The following IVD variants were observed in gnomAD, a reference collection of about 807,000 sequenced individuals.
The protein encoded by IVD is isovaleryl-CoA dehydrogenase, mitochondrial.
A neutral mutation model predicts 51.3 loss-of-function variants in IVD; 31 were observed. The observed-to-expected ratio is 0.60, with a 90% CI of 0.45 to 0.81. IVD has a LOEUF of 0.81. IVD is among the 40% of genes least tolerant of loss of function. IVD has a pLI of 0.00. For missense variants in IVD, 475 were observed against 552.0 expected, an observed-to-expected ratio of 0.86 and a Z score of 1.40; for synonymous variants, 205 against 219.4, an observed-to-expected ratio of 0.93 and a Z score of 0.58.
At chr15:40,406,228 G>C (rs1431393638) in intron 1 of IVD, 5 of 1,503,110 alleles carry the variant, frequency 3.3e-6, no homozygotes, top group Non-Finnish European at 4.4e-6. Flanking sequence ...AGGAGGAGTC[G>C]AGGCTGGGAG....
At chr15:40,435,782 C>A, downstream of IVD, 1 of 896,176 alleles carries the variant, frequency 1.1e-6, no homozygotes, top group Non-Finnish European at 1.3e-6. Flanking sequence ...CTACCTATGG[C>A]AGCCTGCCCG....
At chr15:40,406,255 A>G (rs1890398726) in intron 1 of IVD, 4 of 1,472,514 alleles carry the variant, frequency 2.7e-6, no homozygotes, top group South Asian at 1.2e-5. Context: ...TGAGAGACTG[A>G]TGGTGTTTTG....
At position 40,416,094 on chromosome 15, in the gene IVD, T is replaced by C. The variant is rs1891640609; in HGVS notation, c.977T>C (p.Met326Thr). 1 of 1,614,262 alleles carries C rather than the reference T, an allele frequency of 6.2e-7. No individual in the cohort carries two copies. Among genetic ancestry groups the C allele is most frequent in the African/African-American group, 1.3e-5 (1 of 75,070 alleles). Residue 326 changes from methionine to threonine, a missense_variant, in exon 10 of 12, where the codon ATG (methionine) becomes ACG (threonine). Coordinates refer to ENST00000487418, the MANE Select transcript of IVD (RefSeq NM_002225.5). ...IGHFQLMQGK[M>T]ADMYTRLMAC... Reference sequence around the variant, plus strand: ...TGTGCCCAGTTGATGCAGGGGAAGATGGCTGACATGTACACCCGCCTCATG... The same window carrying C: ...TGTGCCCAGTTGATGCAGGGGAAGACGGCTGACATGTACACCCGCCTCATG...
At chr15:40,416,228 C>T in intron 10 of IVD, 46 bp downstream of exon 10, 1 of 1,612,058 alleles carries the variant, frequency 6.2e-7, no homozygotes, top group Non-Finnish European at 8.5e-7. Context: ...AGTGGACCAG[C>T]TGCTGAGACT....
chr15:40,410,683 G>C lies in IVD; in HGVS notation c.342G>C (p.Glu114Asp). Residue 114 changes from glutamate to aspartate, a missense_variant, in exon 4 of 12, where the codon GAG (glutamate) becomes GAC (aspartate). Glu to Asp is a conservative substitution (Grantham distance 45). Transcript: ENST00000487418. ...TGGAGCATGTGCTGGTGATGGAGGA[G>C]ATATCCCGAGCTTCCGGAGCAGTGG... ...GYLEHVLVME[E>D]ISRASGAVGL... 1 of 1,614,232 alleles carries C rather than the reference G, an allele frequency of 6.2e-7. No homozygotes were observed. The highest frequency in any genetic ancestry group is 8.5e-7 in the Non-Finnish European group (1 of 1,180,044).
chr15:40,430,729 G>A (rs200395481), intron 7 of IVD, among the ~76,000 whole-genome samples: 3 of 40,034 alleles, frequency 7.5e-5, no homozygotes, highest in African/African-American at 6.2e-4. Context: ...AACTGCCAGT[G>A]CACCCCACAG....
chr15:40,427,888 T>A (rs542483274), downstream of IVD, among the ~76,000 whole-genome samples: 3 of 152,170 alleles, frequency 2.0e-5, no homozygotes, highest in South Asian at 6.2e-4. Context: ...AGGTTGCTAA[T>A]TAAGACTGGA....
chr15:40,435,799 G>GC (rs920257110), downstream of IVD: 1 of 767,288 alleles, frequency 1.3e-6, no homozygotes, highest in Non-Finnish European at 1.6e-6. Flanking sequence ...CCCGAAGAGT[G>GC]CCTGCTCCTT....
chr15:40,410,737 CTG>C lies in IVD; in HGVS notation c.397_398del (p.Cys133HisfsTer10), dbSNP rs398123682. ...GLSYGAHSNL[C>X]INQLVRNGNE... ...TCAGTTACGGTGCCCACTCCAACCTCTGCATCAACCAGCTTGTACGCAATGGG... is the reference window on the plus strand; with the variant it reads ...TCAGTTACGGTGCCCACTCCAACCTCCATCAACCAGCTTGTACGCAATGGG... On this transcript the variant is annotated frameshift_variant, in exon 4 of 12. Transcript: ENST00000487418. LOFTEE classifies it high-confidence loss of function. The C allele has an allele frequency of 5.6e-6, 9 of 1,614,102 alleles. No individual in the cohort carries two copies. The highest frequency in any genetic ancestry group is 7.6e-6 in the Non-Finnish European group (9 of 1,180,046).
At chr15:40,407,351 A>G (rs1890555841) in intron 1 of IVD, among the ~76,000 whole-genome samples, 1 of 152,244 alleles carries the variant, frequency 6.6e-6, no homozygotes, top group Non-Finnish European at 1.5e-5. Flanking sequence ...TGCAGGGCCT[A>G]GTAGGCCTGG....
chr15:40,411,733 T>G (rs1891110538), intron 6 of IVD, 42 bp downstream of exon 6: 1 of 1,608,388 alleles, frequency 6.2e-7, no homozygotes, highest in East Asian at 2.2e-5. Context: ...TTCTGCCTCC[T>G]GACAGTGGTA....
chr15:40,415,348 C>T (rs1891543986), intron 8 of IVD, 53 bp from the exon 9 acceptor site: 2 of 1,494,808 alleles, frequency 1.3e-6, no homozygotes, highest in Admixed American at 1.7e-5. Context: ...TTTGCCACCA[C>T]ACCCGGTGGT....
intron 8 of IVD, among the ~76,000 whole-genome samples, chr15:40,434,253 T>C (rs1893144551): frequency 6.6e-6 from 1 of 152,228 alleles, no homozygotes. Context: ...ATTTTGAATC[T>C]CCAAAAATTT....
chr15:40,411,829 C>T, intron 6 of IVD, 138 bp downstream of exon 6: 1 of 1,063,276 alleles, frequency 9.4e-7, no homozygotes. Flanking sequence ...AGGCAGAGAG[C>T]AGACTGCAAG....
rs886051131 is a variant in IVD, at chr15:40,419,072, G to A, written c.*809G>A. The A allele has an allele frequency of 5.7e-6, 6 of 1,045,206 alleles. No individual in the cohort carries two copies. Among genetic ancestry groups the A allele is most frequent in the South Asian group, 2.6e-5 (2 of 75,672 alleles). The allele number at this position is 1,045,206 out of a possible 1,614,324, so 64.7% of individuals were successfully genotyped here. A position where few individuals can be genotyped will look rare whatever the true frequency, so the allele number is the denominator to read the frequency against. On this transcript the variant is annotated 3_prime_UTR_variant, in exon 12 of 12. Coordinates refer to ENST00000487418, the MANE Select transcript of IVD (RefSeq NM_002225.5). ...AATTACTTGAACCCAGGAGGCGGACGTTGCAGTGAGCCGAGCTTGTGCCAT... is the reference window on the plus strand; with the variant it reads ...AATTACTTGAACCCAGGAGGCGGACATTGCAGTGAGCCGAGCTTGTGCCAT...
downstream of IVD, among the ~76,000 whole-genome samples, chr15:40,427,408 G>A (rs1892733255): frequency 6.6e-6 from 1 of 152,254 alleles, no homozygotes; most frequent in Admixed American, 6.5e-5. Flanking sequence ...GCTGCTTGTG[G>A]GAGATAAGCC....
At chr15:40,431,463 A>G (rs914579129) in intron 7 of IVD, among the ~76,000 whole-genome samples, 1 of 152,180 alleles carries the variant, frequency 6.6e-6, no homozygotes. Flanking sequence ...TGGGAGGCCG[A>G]GGCAGGCAGA....
At chr15:40,406,125 G>A in intron 1 of IVD, 154 bp downstream of exon 1, 1 of 1,538,774 alleles carries the variant, frequency 6.5e-7, no homozygotes, top group Non-Finnish European at 8.8e-7. Flanking sequence ...GCGGGACGCG[G>A]GGCCTCCGAC....
chr15:40,433,828 T>C (rs996874478), intron 7 of IVD: 3 of 456,586 alleles, frequency 6.6e-6, no homozygotes, highest in South Asian at 1.5e-5. Flanking sequence ...CTCTGGACCA[T>C]GTTTAATTTC....
Sources: gnomAD v4.1 joint callset for allele counts (sites outside exome capture counted in the v4.1 genomes callset) on GRCh38, gnomAD v4.1.1 for gene constraint, MANE v1.5 for transcripts, NCBI Gene and HGNC (gene_info 2026-07-23, HGNC 2026-07-21) for gene names.